Variants in UGCG observed in about 807,000 individuals in gnomAD.
UGCG encodes the protein UDP-glucose ceramide glucosyltransferase, also known as ceramide glucosyltransferase.
In UGCG, 10 loss-of-function variants were observed where a neutral mutation model predicts 49.5. That is an observed-to-expected ratio of 0.20 (90% CI 0.12 to 0.34). The LOEUF is 0.34. Among genes scored for constraint, UGCG ranks in the 10% least tolerant of loss-of-function variants. UGCG has a pLI of 1.00. For synonymous variants in UGCG, 182 were observed against 158.2 expected, an observed-to-expected ratio of 1.15 and a Z score of -1.13; for missense variants, 312 against 483.7, an observed-to-expected ratio of 0.65 and a Z score of 3.33.
intron 5 of UGCG, among the ~76,000 whole-genome samples, chr9:111,929,095 C>T (rs1179557668): frequency 7.2e-6 from 1 of 138,472 alleles, no homozygotes; most frequent in African/African-American, 2.6e-5. Context: ...GGTTGATATA[C>T]CTATGGGTGG....
At position 111,914,671 on chromosome 9, in the gene UGCG, TC is replaced by T; in HGVS notation, c.166del (p.Leu56Ter). ...ATAGCAAGCTCCCAGGTGTCTCTCT[TC>T]TGAAACCACTGAAAGGGGTAGATCC... The part of the protein sequence containing the change: ...PYSKLPGVSL[L>X]KPLKGVDPNL... On this transcript the variant is annotated frameshift_variant, in exon 2 of 9. Transcript: ENST00000374279. LOFTEE classifies it high-confidence loss of function. 6.2e-7 allele frequency: 1 copy of T among 1,614,152 alleles called. No homozygotes were observed. The highest frequency in any genetic ancestry group is 8.5e-7 in the Non-Finnish European group (1 of 1,179,994).
chr9:111,914,578 A>G, intron 1 of UGCG, 27 bp from the exon 2 acceptor site: 4 of 1,609,700 alleles, frequency 2.5e-6, no homozygotes, highest in Non-Finnish European at 3.4e-6. Context: ...TTCTATAGAA[A>G]TAATTTTTAT....
At chr9:111,913,871 A>G (rs1007432530) in intron 1 of UGCG, among the ~76,000 whole-genome samples, 4 of 152,124 alleles carry the variant, frequency 2.6e-5, no homozygotes, top group Non-Finnish European at 5.9e-5. Context: ...AGTGTCATTA[A>G]TAGACATTTT....
chr9:111,905,714 A>G (rs1028397280), intron 1 of UGCG, among the ~76,000 whole-genome samples: 2 of 152,152 alleles, frequency 1.3e-5, no homozygotes, highest in Non-Finnish European at 2.9e-5. Flanking sequence ...TCAGCCTCCC[A>G]AAGTGCTGGG....
At chr9:111,927,965 G>A in intron 5 of UGCG, among the ~76,000 whole-genome samples, 1 of 152,086 alleles carries the variant, frequency 6.6e-6, no homozygotes. Flanking sequence ...ATAGGCCATC[G>A]TATGTGTGTC....
intron 1 of UGCG, among the ~76,000 whole-genome samples, chr9:111,905,953 A>C (rs1301834933): frequency 6.6e-6 from 1 of 152,214 alleles, no homozygotes; most frequent in African/African-American, 2.4e-5. Flanking sequence ...ATTTTTAAAA[A>C]TTGAGAACAT....
chr9:111,924,793 C>G lies in UGCG; in HGVS notation c.360C>G (p.Gly120=). The G allele has an allele frequency of 6.5e-6, 10 of 1,527,400 alleles. No individual in the cohort carries two copies. The highest frequency in any genetic ancestry group is 8.7e-6 in the Non-Finnish European group (10 of 1,144,660). The allele number at this position is 1,527,400 out of a possible 1,614,324, so 94.6% of individuals were successfully genotyped here. A position where few individuals can be genotyped will look rare whatever the true frequency, so the allele number is the denominator to read the frequency against. ...ARLFIGGKKV[G]INPKINNLMP... The stretch of plus-strand genomic sequence containing the variant: ...CATTTTTAGGTGGCAAAAAAGTTGG[C>G]ATTAATCCTAAAATTAATAATTTAA... The change falls in exon 4 of 9, where the codon GGC becomes GGG. Residue 120 remains glycine, a synonymous_variant. Transcript: ENST00000374279.
intron 5 of UGCG, among the ~76,000 whole-genome samples, chr9:111,926,959 A>T (rs1366873222): frequency 1.6e-5 from 2 of 122,250 alleles, no homozygotes; most frequent in Non-Finnish European, 3.2e-5. Context: ...TGCAACCTCC[A>T]CTTCCCAGGT....
In UGCG at chr9:111,932,931, A is replaced by G. The variant is rs1320668366; in HGVS notation, c.1119A>G (p.Ile373Met). Residue 373 changes from isoleucine to methionine, a missense_variant, in exon 9 of 9, where the codon ATA becomes ATG. Physicochemically the swap from Ile to Met is conservative, Grantham distance 10. Around this residue, in one of 4 missense-constraint regions of UGCG, gnomAD observed 180 missense variants for 320.4 expected, o/e 0.56. Coordinates refer to ENST00000374279, the MANE Select transcript of UGCG (RefSeq NM_003358.3). ...TGTCTGCATTATGGGACCCAACTATAAGCTGGAGAACTGGTCGCTACAGAT... is the reference window on the plus strand; with the variant it reads ...TGTCTGCATTATGGGACCCAACTATGAGCTGGAGAACTGGTCGCTACAGAT... Reference protein sequence around the residue: ...IFLSALWDPTISWRTGRYRLR... With the variant: ...IFLSALWDPTMSWRTGRYRLR... 6.2e-7 allele frequency: 1 copy of G among 1,613,008 alleles called. No individual in the cohort carries two copies.
chr9:111,927,731 G>C (rs566547693), intron 5 of UGCG, among the ~76,000 whole-genome samples: 1 of 152,172 alleles, frequency 6.6e-6, no homozygotes, highest in African/African-American at 2.4e-5. Flanking sequence ...GATTACAGGC[G>C]TGAGCCACCA....
intron 2 of UGCG, among the ~76,000 whole-genome samples, chr9:111,919,664 G>A (rs569436127): frequency 4.4e-4 from 66 of 151,356 alleles, no homozygotes; most frequent in Admixed American, 3.5e-3. Context: ...GCGTGGTGGC[G>A]GATGCCTGTA....
At chr9:111,918,161 C>CG (rs1308546101) in intron 2 of UGCG, among the ~76,000 whole-genome samples, 1 of 152,120 alleles carries the variant, frequency 6.6e-6, no homozygotes, top group Admixed American at 6.5e-5. Flanking sequence ...CCCGTGTCAG[C>CG]CTCCCGAGAA....
intron 1 of UGCG, among the ~76,000 whole-genome samples, chr9:111,912,577 T>TA (rs1299374839): frequency 2.0e-5 from 3 of 148,648 alleles, no homozygotes; most frequent in Non-Finnish European, 3.0e-5. Flanking sequence ...AACTCTGTCT[T>TA]AAAAAAATAA....
intron 1 of UGCG, among the ~76,000 whole-genome samples, chr9:111,913,038 A>G (rs1247707178): frequency 1.3e-5 from 2 of 152,204 alleles, no homozygotes; most frequent in African/African-American, 4.8e-5. Flanking sequence ...GTGTCCCTCC[A>G]GAAGTCTTTC....
rs1838030970 is a variant in UGCG, at chr9:111,912,520, A to G, written c.99-2085A>G. Among the ~76,000 whole-genome samples, 4 of 152,044 alleles carry G rather than the reference A, an allele frequency of 2.6e-5. No homozygotes were observed. In the South Asian group the frequency reaches 8.3e-4, roughly 32 times the overall value. Reference sequence around the variant, plus strand: ...TTTGAACCCGGGAGGCGAAGGTTGCAGTAGCTGAGATCGCACCACTGCACT... The same window carrying G: ...TTTGAACCCGGGAGGCGAAGGTTGCGGTAGCTGAGATCGCACCACTGCACT... On this transcript the variant is annotated intron_variant, in intron 1 of 8. Transcript: ENST00000374279.
At chr9:111,914,346 C>CT (rs766740655) in intron 1 of UGCG, among the ~76,000 whole-genome samples, 50 of 152,274 alleles carry the variant, frequency 3.3e-4, no homozygotes, top group Non-Finnish European at 5.9e-4. Flanking sequence ...ATAAAATACA[C>CT]TAACAATAGC....
intron 1 of UGCG, among the ~76,000 whole-genome samples, chr9:111,906,510 A>C (rs1564198150): frequency 6.6e-6 from 1 of 151,418 alleles, no homozygotes; most frequent in East Asian, 1.9e-4. Context: ...GCTCACCACA[A>C]CCTCTGCCTC....
chr9:111,918,430 T>G (rs894809265), intron 2 of UGCG, among the ~76,000 whole-genome samples: 1 of 152,210 alleles, frequency 6.6e-6, no homozygotes, highest in Non-Finnish European at 1.5e-5. Flanking sequence ...GAAAAATGAT[T>G]CCTGGTTAAA....
At chr9:111,900,046 T>C (rs1837738180) in intron 1 of UGCG, among the ~76,000 whole-genome samples, 2 of 152,152 alleles carry the variant, frequency 1.3e-5, no homozygotes, top group South Asian at 4.1e-4. Flanking sequence ...AAGAGTCTTA[T>C]TGTTGAGATT....
Sources: allele counts gnomAD v4.1 joint callset (sites outside exome capture counted in the v4.1 genomes callset), GRCh38; gene constraint gnomAD v4.1.1; regional missense constraint gnomAD v4.1.1; transcripts MANE v1.5; gene names NCBI Gene and HGNC (gene_info 2026-07-23, HGNC 2026-07-21).